The following MACROD2 variants were observed in gnomAD, a reference collection of about 807,000 sequenced individuals.
MACROD2 encodes the protein ADP-ribose glycohydrolase MACROD2.
MACROD2 carries 36 observed loss-of-function variants against 70.4 expected under a neutral mutation model. The ratio of observed to expected loss-of-function variants is 0.51; its 90% CI spans 0.39 to 0.68. The LOEUF (loss-of-function observed/expected upper bound fraction) is 0.68. MACROD2 is among the 30% of genes least tolerant of loss of function. The probability of loss-of-function intolerance (pLI) is 0.00; values close to 1 mark genes in which losing one functional copy is unlikely to be tolerated. For missense variants in MACROD2, 496 were observed against 538.4 expected (o/e 0.92, Z 0.78); for synonymous variants, 172 against 178.8 (o/e 0.96, Z 0.30).
chr20:15,968,609 T>C (rs1057341742), intron 13 of MACROD2, among the ~76,000 whole-genome samples: 1 of 151,764 alleles, frequency 6.6e-6, no homozygotes, highest in Admixed American at 6.6e-5. Flanking sequence ...AGGATGAAAA[T>C]GTCTTACCTA....
chr20:14,966,156 T>A (rs943464035), intron 5 of MACROD2, among the ~76,000 whole-genome samples: 2 of 152,214 alleles, frequency 1.3e-5, no homozygotes, highest in African/African-American at 4.8e-5. Context: ...ATAAAGCCAC[T>A]GTCAATGGAA....
intron 5 of MACROD2, among the ~76,000 whole-genome samples, chr20:15,170,614 G>A (rs544710003): frequency 1.3e-5 from 2 of 152,256 alleles, no homozygotes; most frequent in Non-Finnish European, 2.9e-5. Flanking sequence ...GAGAGCAAGG[G>A]CAGCTGCACC....
intron 5 of MACROD2, among the ~76,000 whole-genome samples, chr20:15,051,752 CTT>C (rs547605196): frequency 5.8e-4 from 80 of 136,788 alleles, no homozygotes; most frequent in Non-Finnish European, 5.0e-4. Context: ...TATACCATCT[CTT>C]TTTTTTTTTT....
rs753673265 is a variant in MACROD2 at position 14,720,536 on chromosome 20, C to CTTTTTTTTT, written c.418+35603_418+35611dup. Among the ~76,000 whole-genome samples the CTTTTTTTTT allele has an allele frequency of 7.9e-3, 284 of 35,944 alleles. 72 individuals are homozygous for CTTTTTTTTT. The highest frequency in any genetic ancestry group is 0.015 in the South Asian group (9 of 616). The allele number at this position is 35,944 out of a possible 152,430, so 23.6% of individuals were successfully genotyped here. On this transcript the variant is annotated intron_variant, in intron 5 of 17. Coordinates refer to ENST00000684519, the MANE Select transcript of MACROD2 (RefSeq NM_001351661.2). ...GTTTCATTTCCCAGCTGCCCCACAA[C>CTTTTTTTTT]TTTTTTTTTTTTTTTTTTTTTTTTT...
At chr20:14,438,250 T>C (rs1017654343) in intron 3 of MACROD2, among the ~76,000 whole-genome samples, 19 of 152,200 alleles carry the variant, frequency 1.2e-4, no homozygotes, top group African/African-American at 4.3e-4. Context: ...TAGGATCTCC[T>C]CCCTTCTTTA....
intron 7 of MACROD2, among the ~76,000 whole-genome samples, chr20:15,444,553 A>G (rs2046536949): frequency 6.6e-6 from 1 of 152,056 alleles, no homozygotes; most frequent in African/African-American, 2.4e-5. Context: ...TTCTTGAAAC[A>G]TGGTCTGTAT....
At chr20:15,240,219 A>T (rs1261868813) in intron 6 of MACROD2, among the ~76,000 whole-genome samples, 2 of 152,188 alleles carry the variant, frequency 1.3e-5, no homozygotes, top group African/African-American at 4.8e-5. Context: ...TTTTTATCAT[A>T]TAGCATGTCT....
At chr20:15,604,323 G>A (rs1196482531) in intron 8 of MACROD2, among the ~76,000 whole-genome samples, 1 of 152,108 alleles carries the variant, frequency 6.6e-6, no homozygotes, top group African/African-American at 2.4e-5. Flanking sequence ...TTTAACCCTG[G>A]TTGTGAAACA....
At chr20:15,324,369 T>G (rs1280941163) in intron 6 of MACROD2, among the ~76,000 whole-genome samples, 1 of 152,176 alleles carries the variant, frequency 6.6e-6, no homozygotes, top group African/African-American at 2.4e-5. Context: ...TTACATCTTA[T>G]CTCCTCTCTG....
intron 3 of MACROD2, among the ~76,000 whole-genome samples, chr20:14,488,298 G>C (rs368669722): frequency 6.1e-4 from 93 of 152,158 alleles, no homozygotes; most frequent in African/African-American, 2.0e-3. Context: ...CCCCAGATTG[G>C]GTTACTGAAG....
At chr20:15,932,969 G>T (rs564441960) in intron 10 of MACROD2, among the ~76,000 whole-genome samples, 164 of 152,302 alleles carry the variant, frequency 1.1e-3, no homozygotes, top group African/African-American at 3.9e-3. Flanking sequence ...GACTGGAGTT[G>T]AAGTTTCTAT....
At chr20:15,506,979 ATGG>A (rs1365998718) in intron 8 of MACROD2, among the ~76,000 whole-genome samples, 2 of 152,218 alleles carry the variant, frequency 1.3e-5, no homozygotes, top group Non-Finnish European at 2.9e-5. Context: ...CAGCTTTGAA[ATGG>A]TCACATCCTA....
chr20:14,659,788 A>G (rs1331859737), intron 4 of MACROD2, among the ~76,000 whole-genome samples: 1 of 152,196 alleles, frequency 6.6e-6, no homozygotes, highest in Admixed American at 6.5e-5. Context: ...AAATCAAACA[A>G]AATTATATAT....
chr20:14,529,637 G>A (rs1450602210), intron 4 of MACROD2, among the ~76,000 whole-genome samples: 1 of 152,150 alleles, frequency 6.6e-6, no homozygotes, highest in Non-Finnish European at 1.5e-5. Context: ...TGACATGATT[G>A]CCAAGACTGA....
chr20:14,609,537 T>C lies in MACROD2; in HGVS notation c.302-75306T>C, dbSNP rs144896936. On this transcript the variant is annotated intron_variant, in intron 4 of 17. Coordinates refer to ENST00000684519, the MANE Select transcript of MACROD2 (RefSeq NM_001351661.2). ...ACTCAGGAAGTTAGAGTGTGTACTT[T>C]TTTCAGGTGATCTTTCATGAGCTGC... 7.1e-3 allele frequency among the ~76,000 whole-genome samples: 1,082 copies of C among 152,234 alleles called. 11 individuals are homozygous for C. Among genetic ancestry groups the C allele is most frequent in the African/African-American group, 0.025 (1,025 of 41,552 alleles).
chr20:15,293,541 C>T (rs981747161), intron 6 of MACROD2, among the ~76,000 whole-genome samples: 8 of 152,288 alleles, frequency 5.3e-5, no homozygotes, highest in South Asian at 2.1e-4. Context: ...GCTAGGTCAA[C>T]GTTCAAAGCA....
intron 15 of MACROD2, among the ~76,000 whole-genome samples, chr20:16,005,717 T>C (rs568018626): frequency 2.4e-4 from 37 of 152,352 alleles, no homozygotes; most frequent in Non-Finnish European, 5.9e-5. Flanking sequence ...TTGTTGTCGA[T>C]CTTTGGCTTC....
At chr20:14,424,324 G>A (rs1406177811) in intron 3 of MACROD2, among the ~76,000 whole-genome samples, 1 of 151,886 alleles carries the variant, frequency 6.6e-6, no homozygotes, top group African/African-American at 2.4e-5. Context: ...GTTCTAAAAT[G>A]TGACTTAATT....
rs541040165 is a variant in MACROD2 at position 15,885,195 on chromosome 20, A to G, written c.728-569A>G. Among the ~76,000 whole-genome samples, 97 of 152,246 alleles carry G rather than the reference A, an allele frequency of 6.4e-4. 1 individual carries two copies. The highest frequency in any genetic ancestry group is 2.3e-3 in the African/African-American group (94 of 41,570). On this transcript the variant is annotated intron_variant, in intron 9 of 17. Transcript: ENST00000684519. ...AGGAATCACATGTCCTTGTCCAGTT[A>G]AAAGGGATTATACTGGGAGATGATG...
Sources: allele counts gnomAD v4.1 joint callset (sites outside exome capture counted in the v4.1 genomes callset), GRCh38; gene constraint gnomAD v4.1.1; transcripts MANE v1.5; gene names NCBI Gene and HGNC (gene_info 2026-07-23, HGNC 2026-07-21).